The following PPP2R1B variants were observed in gnomAD, a reference collection of about 807,000 sequenced individuals.
The protein encoded by PPP2R1B is serine/threonine-protein phosphatase 2A 65 kDa regulatory subunit A beta isoform.
PPP2R1B carries 58 observed loss-of-function variants against 72.7 expected under a neutral mutation model. The observed-to-expected ratio is 0.80, with a 90% CI of 0.65 to 0.99. PPP2R1B has a LOEUF of 0.99. PPP2R1B is among the 50% of genes least tolerant of loss of function. PPP2R1B has a pLI of 0.00. For synonymous variants in PPP2R1B, 256 were observed against 264.6 expected, an observed-to-expected ratio of 0.97 and a Z score of 0.32; for missense variants, 695 against 733.6, an observed-to-expected ratio of 0.95 and a Z score of 0.61.
the PPP2R1B span, among the ~76,000 whole-genome samples, chr11:111,701,905 G>T: frequency 6.6e-6 from 1 of 152,042 alleles, no homozygotes. This position sits in a 1 kb window ranked among gnomAD's most constrained non-coding sequence, Gnocchi z 4.2. Flanking sequence ...AATATGAAAT[G>T]AACTTTATAA....
chr11:111,691,944 T>A, the PPP2R1B span, among the ~76,000 whole-genome samples: 1 of 152,110 alleles, frequency 6.6e-6, no homozygotes, highest in Non-Finnish European at 1.5e-5. Flanking sequence ...TTCAGGGACA[T>A]GAGGCTAGGA....
the PPP2R1B span, among the ~76,000 whole-genome samples, chr11:111,705,720 T>C: frequency 6.6e-6 from 1 of 152,214 alleles, no homozygotes; most frequent in Non-Finnish European, 1.5e-5. The surrounding 1 kb of genome is among the most constrained non-coding windows in gnomAD (Gnocchi z 4.3). Context: ...GTAAAGAGTT[T>C]ACTTACAATT....
intron 5 of PPP2R1B, among the ~76,000 whole-genome samples, chr11:111,757,258 G>C (rs1945158468): frequency 6.6e-6 from 1 of 152,130 alleles, no homozygotes; most frequent in Non-Finnish European, 1.5e-5. Context: ...AAAATTTTAA[G>C]TGTGTACAAT....
In PPP2R1B at chr11:111,740,421, T is replaced by C; in HGVS notation, c.*1175A>G. 1.0e-6 allele frequency: 1 copy of C among 958,620 alleles called. No homozygotes were observed. Among genetic ancestry groups the C allele is most frequent in the Non-Finnish European group, 1.2e-6 (1 of 805,662 alleles). The allele number at this position is 958,620 out of a possible 1,614,324, so 59.4% of individuals were successfully genotyped here. A position where few individuals can be genotyped will look rare whatever the true frequency, so the allele number is the denominator to read the frequency against. On this transcript the variant is annotated 3_prime_UTR_variant, in exon 15 of 15. Transcript: ENST00000527614. Reference sequence around the variant, plus strand: ...TTTTAGTAGAGATGGGGTTTCACCATGTTGGTCAGGCTGATCTCGAATTCT... The same window carrying C: ...TTTTAGTAGAGATGGGGTTTCACCACGTTGGTCAGGCTGATCTCGAATTCT...
chr11:111,722,759 G>A (rs761329832), downstream of PPP2R1B: 1 of 1,613,458 alleles, frequency 6.2e-7, no homozygotes, highest in East Asian at 2.2e-5. The surrounding 1 kb of genome is among the most constrained non-coding windows in gnomAD (Gnocchi z 4.4). Flanking sequence ...GAACATAGGT[G>A]AGAAGGGGAC....
At chr11:111,692,481 C>G in the PPP2R1B span, among the ~76,000 whole-genome samples, 1 of 149,772 alleles carries the variant, frequency 6.7e-6, no homozygotes, top group African/African-American at 2.5e-5. Flanking sequence ...GGCTGAGAGG[C>G]CAGAGCGAAT....
intron 11 of PPP2R1B, among the ~76,000 whole-genome samples, chr11:111,745,196 C>CG (rs1171107073): frequency 6.6e-6 from 1 of 151,796 alleles, no homozygotes; most frequent in African/African-American, 2.4e-5. Flanking sequence ...GGATTACAGG[C>CG]GCCCGCCAAC....
the PPP2R1B span, among the ~76,000 whole-genome samples, chr11:111,709,521 C>CTA: frequency 1.3e-5 from 2 of 152,226 alleles, no homozygotes; most frequent in African/African-American, 4.8e-5. Flanking sequence ...AAGCACTAAA[C>CTA]ATGTGGTCTA....
the PPP2R1B span, chr11:111,700,915 G>A: frequency 6.2e-7 from 1 of 1,613,984 alleles, no homozygotes; most frequent in South Asian, 1.1e-5. Context: ...CTTTAAAAGT[G>A]GTGAACTGCT....
rs1944419195 is a variant in PPP2R1B at position 111,738,806 on chromosome 11, C to G, written c.*2790G>C. 1 of 985,192 alleles carries G rather than the reference C, an allele frequency of 1.0e-6. No individual in the cohort carries two copies. The highest frequency in any genetic ancestry group is 1.7e-5 in the African/African-American group (1 of 57,174). The allele number at this position is 985,192 out of a possible 1,614,324, so 61.0% of individuals were successfully genotyped here. ...TCTTAAACCTGTGAGGGGTAAACCC[C>G]ACACAAATTACAGAGAGAAACACCA... On this transcript the variant is annotated 3_prime_UTR_variant, in exon 15 of 15. Coordinates refer to ENST00000527614, the MANE Select transcript of PPP2R1B (RefSeq NM_002716.5).
chr11:111,718,467 T>C, the PPP2R1B span, among the ~76,000 whole-genome samples: 1 of 152,208 alleles, frequency 6.6e-6, no homozygotes, highest in African/African-American at 2.4e-5. Context: ...CTCTTCCTCT[T>C]AAATGACCGC....
chr11:111,719,174 T>C, the PPP2R1B span, among the ~76,000 whole-genome samples: 1 of 152,242 alleles, frequency 6.6e-6, no homozygotes, highest in Non-Finnish European at 1.5e-5. Flanking sequence ...TGAATTTTTT[T>C]CAATCCTTTT....
rs764143039 is a variant in PPP2R1B, at chr11:111,743,360, G to C, written c.1554+16C>G. The C allele has an allele frequency of 1.9e-6, 3 of 1,589,660 alleles. No homozygotes were observed. In the East Asian group the frequency reaches 6.7e-5, roughly 36 times the overall value. ...TTAATGATTAAGCTTAGCAATAACA[G>C]TTATGTTATACTTACATTAATGCAG... On this transcript the variant is annotated intron_variant, in intron 12 of 14. Transcript: ENST00000527614.
At chr11:111,691,455 G>A in the PPP2R1B span, among the ~76,000 whole-genome samples, 6 of 151,938 alleles carry the variant, frequency 3.9e-5, no homozygotes, top group Non-Finnish European at 7.4e-5. Flanking sequence ...TAAAAAATTG[G>A]CCGAGCTGAC....
chr11:111,746,989 C>G (rs80164255), intron 11 of PPP2R1B, among the ~76,000 whole-genome samples: 1 of 152,160 alleles, frequency 6.6e-6, no homozygotes, highest in African/African-American at 2.4e-5. Flanking sequence ...ACCACCCACA[C>G]GTATAAGCAG....
chr11:111,753,621 G>T (rs781893785), intron 8 of PPP2R1B, 44 bp from the exon 9 acceptor site: 17 of 1,557,282 alleles, frequency 1.1e-5, no homozygotes, highest in Non-Finnish European at 9.6e-6. Context: ...CAAGACAACA[G>T]AAACTTCCAT....
At chr11:111,716,521 G>A in the PPP2R1B span, among the ~76,000 whole-genome samples, 2 of 152,124 alleles carry the variant, frequency 1.3e-5, no homozygotes, top group African/African-American at 4.8e-5. Context: ...AGGTTGCAGT[G>A]AGCCCAGATT....
chr11:111,742,544 A>G lies in PPP2R1B; in HGVS notation c.1676T>C (p.Ile559Thr), dbSNP rs1179924911. The stretch of plus-strand genomic sequence containing the variant: ...TTACTTGGTATCTAGAATTGGTCCA[A>G]TCTTTTGTAGAGATTTGGCCACATT... ...RFNVAKSLQK[I>T]GPILDTNALQ... is the part of the protein sequence containing the mutation. Residue 559 changes from isoleucine to threonine, a missense_variant, in exon 13 of 15, where the codon ATT becomes ACT. Ile to Thr is a moderately conservative substitution (Grantham distance 89). Coordinates refer to ENST00000527614, the MANE Select transcript of PPP2R1B (RefSeq NM_002716.5). 2.5e-6 allele frequency: 4 copies of G among 1,613,488 alleles called. No homozygotes were observed. Among genetic ancestry groups the G allele is most frequent in the Non-Finnish European group, 3.4e-6 (4 of 1,179,864 alleles).
At position 111,741,155 on chromosome 11, in the gene PPP2R1B, T is replaced by C; in HGVS notation, c.*441A>G. The C allele has an allele frequency of 1.0e-6, 1 of 990,596 alleles. No homozygotes were observed. The highest frequency in any genetic ancestry group is 1.2e-6 in the Non-Finnish European group (1 of 832,998). 61.4% of individuals were successfully genotyped at this position (990,596 alleles called of 1,614,324 possible). The stretch of plus-strand genomic sequence containing the variant: ...TCTCCCGAAGAGTTTATAAAATAAG[T>C]TATTCTAAACATGTACATTTAGCTT... On this transcript the variant is annotated 3_prime_UTR_variant, in exon 15 of 15. Transcript: ENST00000527614.
Sources: allele counts gnomAD v4.1 joint callset (sites outside exome capture counted in the v4.1 genomes callset), GRCh38; gene constraint gnomAD v4.1.1; non-coding constraint Gnocchi (gnomAD v3.1); transcripts MANE v1.5; gene names NCBI Gene and HGNC (gene_info 2026-07-23, HGNC 2026-07-21).